TAF8: variants seen among roughly 807,000 people sequenced by gnomAD.
TAF8 encodes transcription initiation factor TFIID subunit 8.
In TAF8, 47 loss-of-function variants were observed where a neutral mutation model predicts 36.5. The ratio of observed to expected loss-of-function variants is 1.29; its 90% CI spans 1.02 to 1.64. The LOEUF (loss-of-function observed/expected upper bound fraction) is 1.64, where lower values mean the gene tolerates loss of function less well. Ranked by LOEUF, TAF8 falls within the 40% of genes most tolerant of loss-of-function variation. The probability of loss-of-function intolerance (pLI) is 0.00; values close to 1 mark genes in which losing one functional copy is unlikely to be tolerated. For missense variants in TAF8, 420 were observed against 407.6 expected, an observed-to-expected ratio of 1.03 and a Z score of -0.26; for synonymous variants, 175 against 159.5, an observed-to-expected ratio of 1.10 and a Z score of -0.73.
intron 7 of TAF8, among the ~76,000 whole-genome samples, chr6:42,071,190 C>A (rs1434040220): frequency 6.6e-6 from 1 of 152,032 alleles, no homozygotes; most frequent in African/African-American, 2.4e-5. Context: ...TGTAGTTGGA[C>A]TGAGCATCCC....
chr6:42,053,578 A>G (rs1275720642), intron 2 of TAF8, among the ~76,000 whole-genome samples: 1 of 143,402 alleles, frequency 7.0e-6, no homozygotes, highest in African/African-American at 2.7e-5. Flanking sequence ...AAAAAAAAAA[A>G]GAAAAAAAAA....
chr6:42,052,943 G>T (rs1272243858), intron 2 of TAF8, among the ~76,000 whole-genome samples: 3 of 152,206 alleles, frequency 2.0e-5, no homozygotes, highest in Non-Finnish European at 2.9e-5. Context: ...TCAAACAGTA[G>T]ATGTGGGCTA....
rs1329221537 is a variant in TAF8 at position 42,082,886 on chromosome 6, T to G, written c.*5341T>G. On this transcript the variant is annotated 3_prime_UTR_variant, in exon 9 of 9. Transcript: ENST00000372977. ...GCTGGCCCAGGGTAGAGCTTTACCATGGACCCTGGCGCTCCTGGAAAAAAA... is the reference window on the plus strand; with the variant it reads ...GCTGGCCCAGGGTAGAGCTTTACCAGGGACCCTGGCGCTCCTGGAAAAAAA... 1 of 152,204 alleles carries G rather than the reference T, an allele frequency of 6.6e-6. No individual in the cohort carries two copies. The highest frequency in any genetic ancestry group is 2.4e-5 in the African/African-American group (1 of 41,450). The allele number at this position is 152,204 out of a possible 1,614,324, so 9.4% of individuals were successfully genotyped here.
Position 42,066,347 on chromosome 6 carries a change from G to A in TAF8, c.525G>A (p.Leu175=), listed in dbSNP as rs200292387. 3.7e-4 allele frequency: 601 copies of A among 1,614,046 alleles called. 1 individual carries two copies. Among genetic ancestry groups the A allele is most frequent in the Non-Finnish European group, 4.9e-4 (573 of 1,180,040 alleles). The part of the protein sequence containing the change: ...YREPVSDYQV[L]REKAASQRRD... ...AGCCCGTGTCAGACTACCAGGTCCT[G>A]CGGGAGAAGGCTGCATCCCAGAGGC... Residue 175 remains leucine, a synonymous_variant, in exon 6 of 9, where the codon CTG becomes CTA. Coordinates refer to ENST00000372977, the MANE Select transcript of TAF8 (RefSeq NM_138572.3).
intron 4 of TAF8, among the ~76,000 whole-genome samples, chr6:42,057,127 T>A (rs1015877621): frequency 1.3e-5 from 2 of 152,202 alleles, no homozygotes; most frequent in African/African-American, 4.8e-5. Context: ...TTTTACGTAG[T>A]TACTGTGGCC....
At position 42,055,570 on chromosome 6, in the gene TAF8, A is replaced by C; in HGVS notation, c.242A>C (p.Glu81Ala). ...EIGRSAKSYCEHTARTQPTLS... is the reference protein window; with the variant it reads ...EIGRSAKSYCAHTARTQPTLS... Reference sequence around the variant, plus strand: ...GGGAGAAGTGCCAAGTCTTACTGTGAGCACACAGCCAGGACCCAGCCCACA... The same window carrying C: ...GGGAGAAGTGCCAAGTCTTACTGTGCGCACACAGCCAGGACCCAGCCCACA... The change falls in exon 3 of 9, where the codon GAG becomes GCG. Residue 81 changes from glutamate (E) to alanine (A), a missense_variant. Physicochemically the swap from Glu to Ala is moderately radical, Grantham distance 107 (BLOSUM62 -1). Coordinates refer to ENST00000372977, the MANE Select transcript of TAF8 (RefSeq NM_138572.3). The C allele has an allele frequency of 3.7e-6, 6 of 1,614,210 alleles. No individual in the cohort carries two copies. Among genetic ancestry groups the C allele is most frequent in the Non-Finnish European group, 4.2e-6 (5 of 1,180,020 alleles).
chr6:42,067,727 C>G (rs1218250767), intron 6 of TAF8, among the ~76,000 whole-genome samples: 1 of 152,012 alleles, frequency 6.6e-6, no homozygotes, highest in African/African-American at 2.4e-5. Context: ...ACTATTATAC[C>G]TGGCTAATTT....
In TAF8 at chr6:42,080,460, C is replaced by A; in HGVS notation, c.*2915C>A. The A allele has an allele frequency of 1.5e-6, 1 of 681,872 alleles. No homozygotes were observed. Among genetic ancestry groups the A allele is most frequent in the African/African-American group, 2.0e-5 (1 of 51,068 alleles). The allele number at this position is 681,872 out of a possible 1,614,324, so 42.2% of individuals were successfully genotyped here. On this transcript the variant is annotated 3_prime_UTR_variant, in exon 9 of 9. Transcript: ENST00000372977. ...TGATCTCGGCTCACTGCAACCTCCA[C>A]CTCCTGGGTTCAAGGGATTCTCCTG... is the stretch of plus-strand genomic sequence containing the variant.
At position 42,078,783 on chromosome 6, in the gene TAF8, C is replaced by G. The variant is rs961193029; in HGVS notation, c.*1238C>G. 2.0e-6 allele frequency: 2 copies of G among 985,248 alleles called. No individual in the cohort carries two copies. Among genetic ancestry groups the G allele is most frequent in the African/African-American group, 3.5e-5 (2 of 57,198 alleles). 61.0% of individuals were successfully genotyped at this position (985,248 alleles called of 1,614,324 possible). Reference sequence around the variant, plus strand: ...CTCTGACAAGAGCCTAGAGCGTCGGCTCTATTATGCTGGGACTTGACAGAG... The same window carrying G: ...CTCTGACAAGAGCCTAGAGCGTCGGGTCTATTATGCTGGGACTTGACAGAG... On this transcript the variant is annotated 3_prime_UTR_variant, in exon 9 of 9. Transcript: ENST00000372977.
intron 6 of TAF8, among the ~76,000 whole-genome samples, chr6:42,066,783 G>A (rs879088863): frequency 6.6e-6 from 1 of 152,264 alleles, no homozygotes; most frequent in Non-Finnish European, 1.5e-5. Context: ...GTTGCCCATC[G>A]TGATGTTCCC....
rs1273861406 is a variant in TAF8, at chr6:42,079,283, T to C, written c.*1738T>C. ...AGGAGTGAGCCAAGCTGAGGCGTTC[T>C]GCAAGAAGCAGGTCTGAGTCTGTCC... On this transcript the variant is annotated 3_prime_UTR_variant, in exon 9 of 9. Coordinates refer to ENST00000372977, the MANE Select transcript of TAF8 (RefSeq NM_138572.3). 3.0e-5 allele frequency: 30 copies of C among 985,438 alleles called. No individual in the cohort carries two copies. Among genetic ancestry groups the C allele is most frequent in the Non-Finnish European group, 3.5e-5 (29 of 829,996 alleles). The allele number at this position is 985,438 out of a possible 1,614,324, so 61.0% of individuals were successfully genotyped here. A position where few individuals can be genotyped will look rare whatever the true frequency, so the allele number is the denominator to read the frequency against.
Position 42,055,545 on chromosome 6 carries a change from G to A in TAF8, c.217G>A (p.Gly73Arg), listed in dbSNP as rs1473339290. 2 of 1,613,760 alleles carry A rather than the reference G, an allele frequency of 1.2e-6. No homozygotes were observed. The highest frequency in any genetic ancestry group is 1.7e-6 in the Non-Finnish European group (2 of 1,179,638). ...EMLQSYISEI[G>R]RSAKSYCEHT... Reference sequence around the variant, plus strand: ...TCCCCTCTTAGACATTTCAGAAATTGGGAGAAGTGCCAAGTCTTACTGTGA... The same window carrying A: ...TCCCCTCTTAGACATTTCAGAAATTAGGAGAAGTGCCAAGTCTTACTGTGA... Residue 73 changes from glycine (G) to arginine (R), a missense_variant, in exon 3 of 9, where the codon GGG (glycine) becomes AGG (arginine). Gly to Arg is a moderately radical substitution (Grantham distance 125). Coordinates refer to ENST00000372977, the MANE Select transcript of TAF8 (RefSeq NM_138572.3).
Position 42,077,114 on chromosome 6 carries a change from C to A in TAF8, c.795C>A (p.Ala265=). 5.0e-6 allele frequency: 8 copies of A among 1,612,678 alleles called. No homozygotes were observed. Among genetic ancestry groups the A allele is most frequent in the Non-Finnish European group, 6.8e-6 (8 of 1,179,160 alleles). The change falls in exon 8 of 9, where the codon GCC becomes GCA. Residue 265 remains alanine, a synonymous_variant. Transcript: ENST00000372977. The part of the protein sequence containing the change: ...ALHISMEDSG[A]EKENTSVLQQ... Reference sequence around the variant, plus strand: ...TTTGCTCAAAGGAGGATTCTGGAGCCGAGAAGGAGAACACCTCTGTCCTGC... The same window carrying A: ...TTTGCTCAAAGGAGGATTCTGGAGCAGAGAAGGAGAACACCTCTGTCCTGC...
intron 8 of TAF8, 43 bp downstream of exon 8, chr6:42,077,282 C>T (rs754506933): frequency 2.3e-5 from 36 of 1,590,418 alleles, no homozygotes; most frequent in Admixed American, 5.2e-5. Context: ...ACTGTCCCAC[C>T]GAGGTGGTCT....
In TAF8 at chr6:42,081,190, T is replaced by C. The variant is rs9462767; in HGVS notation, c.*3645T>C. ...CCTGGAGTGTGTGTGTGTGTGTGTG[T>C]GCGTGTGTGTGCGTGTGAGACAGAG... is the stretch of plus-strand genomic sequence containing the variant. On this transcript the variant is annotated 3_prime_UTR_variant, in exon 9 of 9. Transcript: ENST00000372977. 1.4e-3 allele frequency: 213 copies of C among 154,648 alleles called. No individual in the cohort carries two copies. The highest frequency in any genetic ancestry group is 0.011 in the South Asian group (51 of 4,818). 9.6% of individuals were successfully genotyped at this position (154,648 alleles called of 1,614,324 possible). A position where few individuals can be genotyped will look rare whatever the true frequency, so the allele number is the denominator to read the frequency against.
Position 42,051,484 on chromosome 6 carries a change from T to A in TAF8, c.173T>A (p.Val58Glu). ...AGFESAEKAS[V>E]ETLTEMLQSY... ...TTTGAGAGTGCCGAGAAAGCATCCG[T>A]GGAAACGCTGACAGAGATGCTGCAG... Residue 58 changes from valine to glutamate, a missense_variant, in exon 2 of 9, where the codon GTG becomes GAG. Coordinates refer to ENST00000372977, the MANE Select transcript of TAF8 (RefSeq NM_138572.3). 1 of 1,614,032 alleles carries A rather than the reference T, an allele frequency of 6.2e-7. No homozygotes were observed. The highest frequency in any genetic ancestry group is 8.5e-7 in the Non-Finnish European group (1 of 1,179,986).
chr6:42,054,884 C>T (rs1764917972), intron 2 of TAF8, among the ~76,000 whole-genome samples: 2 of 150,248 alleles, frequency 1.3e-5, no homozygotes, highest in African/African-American at 2.5e-5. Flanking sequence ...GGATTACAGG[C>T]GTGAGCCACC....
In TAF8 at chr6:42,077,593, C is replaced by A. The variant is rs530588490; in HGVS notation, c.*48C>A. The A allele has an allele frequency of 6.2e-7, 1 of 1,607,238 alleles. No individual in the cohort carries two copies. Among genetic ancestry groups the A allele is most frequent in the Non-Finnish European group, 8.5e-7 (1 of 1,176,846 alleles). ...TACAGGGGCGCAGATTCCACCCTCCCGGGGAGTTAAAGCCACTCAAGGGAA... is the reference window on the plus strand; with the variant it reads ...TACAGGGGCGCAGATTCCACCCTCCAGGGGAGTTAAAGCCACTCAAGGGAA... On this transcript the variant is annotated 3_prime_UTR_variant, in exon 9 of 9. Transcript: ENST00000372977.
At chr6:42,051,560 T>C in intron 2 of TAF8, 47 bp downstream of exon 2, 1 of 1,585,832 alleles carries the variant, frequency 6.3e-7, no homozygotes, top group Non-Finnish European at 8.6e-7. Flanking sequence ...CCAACATCAG[T>C]TCTGTGCCCT....
Sources: gnomAD v4.1 joint callset for allele counts (sites outside exome capture counted in the v4.1 genomes callset) on GRCh38, gnomAD v4.1.1 for gene constraint, MANE v1.5 for transcripts, NCBI Gene and HGNC (gene_info 2026-07-23, HGNC 2026-07-21) for gene names.